The following FAM20C variants were observed in gnomAD, a reference collection of about 807,000 sequenced individuals.
The protein encoded by FAM20C is extracellular serine/threonine protein kinase FAM20C.
In FAM20C, 40 loss-of-function variants were observed where a neutral mutation model predicts 51.5. That is an observed-to-expected ratio of 0.78 (90% CI 0.60 to 1.01). The LOEUF is 1.01. Among genes scored for constraint, FAM20C ranks in the 50% least tolerant of loss-of-function variants. The pLI is 0.00. For synonymous variants in FAM20C, 406 were observed against 380.6 expected, an observed-to-expected ratio of 1.07 and a Z score of -0.78; for missense variants, 861 against 844.7, an observed-to-expected ratio of 1.02 and a Z score of -0.24.
At chr7:256,076 G>A (rs1169260623) in intron 6 of FAM20C, 47 bp downstream of exon 6, 17 of 1,525,192 alleles carry the variant, frequency 1.1e-5, no homozygotes, top group Admixed American at 8.1e-5. Flanking sequence ...CTACGGCAGA[G>A]GGAGCTGGGC....
intron 2 of FAM20C, among the ~76,000 whole-genome samples, chr7:203,470 G>T (rs28570612): frequency 0.078 from 11,947 of 152,274 alleles, 605 homozygotes; most frequent in East Asian, 0.24. Context: ...TGACAGGAGG[G>T]TGGGCGTCTG....
At chr7:247,668 C>T (rs935885207) in intron 4 of FAM20C, among the ~76,000 whole-genome samples, 1 of 139,248 alleles carries the variant, frequency 7.2e-6, no homozygotes, top group Non-Finnish European at 1.5e-5. Flanking sequence ...CCAAAAAGGG[C>T]TTTTTATGAA....
At chr7:259,543 CCTCT>C (rs1178786162) in intron 9 of FAM20C, among the ~76,000 whole-genome samples, 184 bp from the exon 10 acceptor site, 1 of 152,064 alleles carries the variant, frequency 6.6e-6, no homozygotes, top group Admixed American at 6.6e-5. Flanking sequence ...TTTCTCTCTC[CCTCT>C]CTTTCTCTCT....
rs756369110 is a variant in FAM20C, at chr7:216,617, GTA to G, written c.863+7643_863+7644del. Among the ~76,000 whole-genome samples, 9 of 101,920 alleles carry G rather than the reference GTA, an allele frequency of 8.8e-5. No individual in the cohort carries two copies. The East Asian group carries it at 1.0e-3, about 11-fold the overall frequency. The allele number at this position is 101,920 out of a possible 152,430, so 66.9% of individuals were successfully genotyped here. A position where few individuals can be genotyped will look rare whatever the true frequency, so the allele number is the denominator to read the frequency against. On this transcript the variant is annotated intron_variant, in intron 3 of 9. Transcript: ENST00000313766. Reference sequence around the variant, plus strand: ...AGCCTGGGAGTTTCTGTGTGTGTGTGTATGAGTGTGTGTGAGTGTGTGTGAGT... The same window carrying G: ...AGCCTGGGAGTTTCTGTGTGTGTGTGTGAGTGTGTGTGAGTGTGTGTGAGT...
intron 5 of FAM20C, among the ~76,000 whole-genome samples, chr7:249,514 G>C (rs2115154677): frequency 6.6e-6 from 1 of 152,360 alleles, no homozygotes; most frequent in Middle Eastern, 3.4e-3. Context: ...GCCAAGGTGG[G>C]AGGATCACTT....
intron 4 of FAM20C, among the ~76,000 whole-genome samples, chr7:247,715 C>T (rs1378562922): frequency 6.6e-6 from 1 of 152,202 alleles, no homozygotes; most frequent in Non-Finnish European, 1.5e-5. Flanking sequence ...AACAGCCCCC[C>T]TCGGGTCCAC....
At chr7:247,883 A>G (rs371010204) in intron 4 of FAM20C, among the ~76,000 whole-genome samples, 1 of 152,274 alleles carries the variant, frequency 6.6e-6, no homozygotes, top group African/African-American at 2.4e-5. Context: ...CTCGCCTCAC[A>G]GGACAATCAC....
chr7:259,072 C>A (rs1305753705), intron 9 of FAM20C, among the ~76,000 whole-genome samples: 1 of 152,230 alleles, frequency 6.6e-6, no homozygotes, highest in Admixed American at 6.5e-5. Flanking sequence ...GGGTTCAGAC[C>A]CCCTTTCCCC....
chr7:193,531 C>G lies in FAM20C; in HGVS notation c.332C>G (p.Pro111Arg), dbSNP rs1383109685. The G allele has an allele frequency of 2.7e-6, 4 of 1,496,050 alleles. No individual in the cohort carries two copies. The highest frequency in any genetic ancestry group is 3.6e-6 in the Non-Finnish European group (4 of 1,119,568). The allele number at this position is 1,496,050 out of a possible 1,614,324, so 92.7% of individuals were successfully genotyped here. ...NLSSHSLEKL[P>R]PAAEPAERAL... ...TCGTCCCACTCGCTGGAGAAACTGC[C>G]GCCCGCGGCCGAGCCGGCCGAGCGC... Residue 111 changes from proline to arginine, a missense_variant, in exon 1 of 10, where the codon CCG becomes CGG. Pro to Arg is a moderately radical substitution (Grantham distance 103, BLOSUM62 -2). Around this residue, in one of 3 missense-constraint regions of FAM20C, gnomAD observed 561 missense variants for 499.8 expected, o/e 1.12. Coordinates refer to ENST00000313766, the MANE Select transcript of FAM20C (RefSeq NM_020223.4).
chr7:242,163 C>T (rs1288284226), intron 3 of FAM20C, among the ~76,000 whole-genome samples: 1 of 152,164 alleles, frequency 6.6e-6, no homozygotes, highest in Non-Finnish European at 1.5e-5. Context: ...CGGTGAGCTC[C>T]TGCAGTGTAC....
At chr7:202,967 G>A (rs1210325517) in intron 2 of FAM20C, among the ~76,000 whole-genome samples, 1 of 152,248 alleles carries the variant, frequency 6.6e-6, no homozygotes, top group Non-Finnish European at 1.5e-5. Flanking sequence ...GGCCCACTGG[G>A]GTTTGATTGT....
intron 3 of FAM20C, among the ~76,000 whole-genome samples, chr7:218,684 C>T (rs1337998180): frequency 6.6e-6 from 1 of 152,232 alleles, no homozygotes; most frequent in Non-Finnish European, 1.5e-5. Context: ...CATCCCAGGG[C>T]TCACTCAGCC....
At chr7:201,763 C>T (rs549480925) in intron 2 of FAM20C, among the ~76,000 whole-genome samples, 7 of 152,318 alleles carry the variant, frequency 4.6e-5, no homozygotes, top group East Asian at 1.9e-4. Context: ...CAACTGCATA[C>T]GAACATCGCC....
chr7:218,466 T>C (rs1303415071), intron 3 of FAM20C, among the ~76,000 whole-genome samples: 1 of 152,296 alleles, frequency 6.6e-6, no homozygotes, highest in East Asian at 1.9e-4. Flanking sequence ...CTCAATGTCC[T>C]GGTAAGCTCG....
At chr7:244,897 C>G (rs1414023048) in intron 3 of FAM20C, among the ~76,000 whole-genome samples, 1 of 152,224 alleles carries the variant, frequency 6.6e-6, no homozygotes, top group Non-Finnish European at 1.5e-5. Flanking sequence ...CTTTAACCCC[C>G]CATAAGAAAC....
At chr7:232,698 G>A (rs1053670700) in intron 3 of FAM20C, among the ~76,000 whole-genome samples, 4 of 152,256 alleles carry the variant, frequency 2.6e-5, no homozygotes, top group Non-Finnish European at 5.9e-5. Context: ...ATGAGAAGGT[G>A]CCACGTGGTC....
chr7:197,728 G>T (rs755131426), intron 2 of FAM20C, among the ~76,000 whole-genome samples: 1 of 152,178 alleles, frequency 6.6e-6, no homozygotes, highest in East Asian at 1.9e-4. Context: ...ACTGCAGCTC[G>T]CCACCTCCCT....
intron 8 of FAM20C, chr7:257,340 T>C: frequency 1.9e-6 from 1 of 522,090 alleles, no homozygotes; most frequent in Non-Finnish European, 3.4e-6. Flanking sequence ...TGGTGTTACC[T>C]GGGAAACGGA....
intron 1 of FAM20C, chr7:194,104 G>A (rs897691174): frequency 7.9e-6 from 3 of 379,070 alleles, no homozygotes; most frequent in Admixed American, 8.5e-5. Flanking sequence ...TTGGGAAATG[G>A]GGTCAGGCAA....
Sources: gnomAD v4.1 joint callset for allele counts (sites outside exome capture counted in the v4.1 genomes callset) on GRCh38, gnomAD v4.1.1 for gene constraint, gnomAD v4.1.1 regional missense constraint, MANE v1.5 for transcripts, NCBI Gene and HGNC (gene_info 2026-07-23, HGNC 2026-07-21) for gene names.